Variants in CACNA1C observed in about 807,000 individuals in gnomAD.
The protein encoded by CACNA1C is calcium voltage-gated channel subunit alpha1 C.
Under a neutral mutation model 229.0 loss-of-function variants are expected in CACNA1C, and 30 were observed. The observed-to-expected ratio is 0.13, with a 90% CI of 0.10 to 0.18. CACNA1C has a LOEUF of 0.18. Among genes scored for constraint, CACNA1C ranks in the 10% least tolerant of loss-of-function variants. The pLI, the probability that CACNA1C is intolerant of heterozygous loss-of-function variation, is 1.00. For synonymous variants in CACNA1C, 1,114 were observed against 1,132.5 expected (o/e 0.98, Z 0.33); for missense variants, 1,658 against 2,845.0 (o/e 0.58, Z 9.49).
At chr12:2,505,725 G>A (rs140017278) in intron 8 of CACNA1C, among the ~76,000 whole-genome samples, 5 of 152,136 alleles carry the variant, frequency 3.3e-5, no homozygotes, top group East Asian at 1.9e-4. Context: ...CCATGGAAAC[G>A]CATAGGATAT....
intron 3 of CACNA1C, among the ~76,000 whole-genome samples, chr12:2,225,658 C>T (rs1356871072): frequency 6.6e-6 from 1 of 152,170 alleles, no homozygotes; most frequent in Non-Finnish European, 1.5e-5. Flanking sequence ...TCTCTTCTCC[C>T]TCCAAAGTCA....
At chr12:2,115,595 G>A in intron 2 of CACNA1C, 50 bp downstream of exon 2, 2 of 1,580,884 alleles carry the variant, frequency 1.3e-6, no homozygotes, top group East Asian at 4.5e-5. Flanking sequence ...TGCACGCTGG[G>A]TCCAGCCCTC....
chr12:2,027,375 T>C (rs576596570), intron 1 of CACNA1C, among the ~76,000 whole-genome samples: 2 of 152,374 alleles, frequency 1.3e-5, no homozygotes, highest in South Asian at 2.1e-4. Context: ...TCCCCCCATT[T>C]GTTAAGCTCC....
intron 26 of CACNA1C, among the ~76,000 whole-genome samples, chr12:2,607,672 G>A (rs1451700515): frequency 1.3e-5 from 2 of 152,258 alleles, no homozygotes; most frequent in Admixed American, 1.3e-4. Context: ...TGTGCGTAGA[G>A]CAGCCCGTGG....
intron 3 of CACNA1C, among the ~76,000 whole-genome samples, chr12:2,199,389 CT>C (rs1001774740): frequency 1.3e-5 from 2 of 152,110 alleles, no homozygotes; most frequent in African/African-American, 4.8e-5. Context: ...GGGTGAAAAC[CT>C]TTATGATGGT....
chr12:2,126,121 G>T (rs1565853540), intron 3 of CACNA1C, among the ~76,000 whole-genome samples: 1 of 149,882 alleles, frequency 6.7e-6, no homozygotes, highest in African/African-American at 2.4e-5. Flanking sequence ...CCAGAATAGA[G>T]TTTTTTTTTT....
intron 3 of CACNA1C, among the ~76,000 whole-genome samples, chr12:2,160,668 G>A (rs755013292): frequency 6.6e-5 from 10 of 152,186 alleles, no homozygotes; most frequent in Non-Finnish European, 1.2e-4. Flanking sequence ...AGGCATAATG[G>A]TGGCCAGAGA....
At chr12:2,599,827 A>G (rs2070963878) in intron 21 of CACNA1C, among the ~76,000 whole-genome samples, 2 of 152,266 alleles carry the variant, frequency 1.3e-5, no homozygotes, top group East Asian at 1.9e-4. Context: ...CGTTTTCCCC[A>G]TGTCCATTTG....
chr12:2,366,178 C>G (rs1567267589), intron 3 of CACNA1C, among the ~76,000 whole-genome samples: 1 of 152,128 alleles, frequency 6.6e-6, no homozygotes, highest in Non-Finnish European at 1.5e-5. Flanking sequence ...TGAGCCTCAC[C>G]CCTGCCACTT....
rs146015302 is a variant in CACNA1C at position 2,454,900 on chromosome 12, G to T, written c.618-2667G>T. The stretch of plus-strand genomic sequence containing the variant: ...CTTTCATGTATTCCCACAACCACGC[G>T]TCTATGCTGACAATGCGCCTTCTCA... On this transcript the variant is annotated intron_variant, in intron 4 of 46. Coordinates refer to ENST00000399655, the MANE Select transcript of CACNA1C (RefSeq NM_000719.7). 2.8e-3 allele frequency among the ~76,000 whole-genome samples: 432 copies of T among 152,270 alleles called. 1 individual carries two copies. The highest frequency in any genetic ancestry group is 5.8e-3 in the Admixed American group (89 of 15,306).
intron 29 of CACNA1C, chr12:2,614,748 G>A (rs575748055): frequency 6.6e-6 from 1 of 152,352 alleles, no homozygotes; most frequent in South Asian, 2.1e-4. Flanking sequence ...ACAGTCTGAA[G>A]TTGTCACTGC....
intron 30 of CACNA1C, among the ~76,000 whole-genome samples, chr12:2,644,671 A>G (rs193128546): frequency 3.2e-4 from 48 of 152,174 alleles, no homozygotes; most frequent in African/African-American, 1.1e-3. Flanking sequence ...GCCCCTCAGC[A>G]TCCTAAATGT....
intron 3 of CACNA1C, among the ~76,000 whole-genome samples, chr12:2,127,275 C>T (rs540022583): frequency 6.6e-6 from 1 of 152,306 alleles, no homozygotes; most frequent in East Asian, 1.9e-4. Flanking sequence ...CGTCTGAGCC[C>T]TATCGCCCCC....
chr12:2,038,032 A>G (rs2049442862), intron 1 of CACNA1C, among the ~76,000 whole-genome samples: 1 of 152,090 alleles, frequency 6.6e-6, no homozygotes, highest in African/African-American at 2.4e-5. Context: ...TTCTCTCATT[A>G]AAGCTTCCTT....
Position 2,142,847 on chromosome 12 carries a change from GTGTT to G in CACNA1C, c.477+22421_477+22424del, listed in dbSNP as rs1464385728. 2.0e-5 allele frequency among the ~76,000 whole-genome samples: 3 copies of G among 151,298 alleles called. 1 individual carries two copies. The highest frequency in any genetic ancestry group is 4.4e-5 in the Non-Finnish European group (3 of 67,696). ...AAGTATTTTTGTACAGCTATACAGT[GTGTT>G]TGTGTTTTAAGCTAAGTGTTATTAC... is the stretch of plus-strand genomic sequence containing the variant. On this transcript the variant is annotated intron_variant, in intron 3 of 46. Transcript: ENST00000399655.
rs138185119 is a variant in CACNA1C, at chr12:2,150,752, A to C, written c.477+30322A>C. Among the ~76,000 whole-genome samples the C allele has an allele frequency of 6.2e-3, 950 of 152,334 alleles. 8 individuals carry two copies. Among genetic ancestry groups the C allele is most frequent in the African/African-American group, 0.022 (897 of 41,580 alleles). ...ATTTAACCCACAAGTTTAGGTTTTC[A>C]GTTTCCTTCTGCTTCTCTCCTTTGA... is the stretch of plus-strand genomic sequence containing the variant. On this transcript the variant is annotated intron_variant, in intron 3 of 46. Transcript: ENST00000399655.
intron 5 of CACNA1C, among the ~76,000 whole-genome samples, chr12:2,485,230 T>G (rs1389550188): frequency 1.3e-5 from 2 of 151,980 alleles, no homozygotes; most frequent in Non-Finnish European, 2.9e-5. Context: ...AGGAGCTGCC[T>G]CCACATTCTC....
At chr12:2,210,084 A>T (rs1056854540) in intron 3 of CACNA1C, among the ~76,000 whole-genome samples, 1 of 152,232 alleles carries the variant, frequency 6.6e-6, no homozygotes, top group African/African-American at 2.4e-5. Context: ...ACTTGTTTCT[A>T]AAAATGGCAG....
At chr12:2,018,834 C>T (rs934471015) in intron 1 of CACNA1C, among the ~76,000 whole-genome samples, 8 of 152,200 alleles carry the variant, frequency 5.3e-5, no homozygotes, top group Non-Finnish European at 7.3e-5. Flanking sequence ...AAACAGAAGA[C>T]AGAACTTTTC....
Sources: allele counts gnomAD v4.1 joint callset (sites outside exome capture counted in the v4.1 genomes callset), GRCh38; gene constraint gnomAD v4.1.1; transcripts MANE v1.5; gene names NCBI Gene and HGNC (gene_info 2026-07-23, HGNC 2026-07-21).